Variants in NBAS observed in about 807,000 individuals in gnomAD.
NBAS encodes NAG/BC035112 fusion.
Under a neutral mutation model 302.5 loss-of-function variants are expected in NBAS, and 219 were observed. The ratio of observed to expected loss-of-function variants is 0.72; its 90% CI spans 0.65 to 0.81. The LOEUF (loss-of-function observed/expected upper bound fraction) is 0.81, where lower values mean the gene tolerates loss of function less well. Ranked by LOEUF, NBAS falls within the 30% of genes least tolerant of loss-of-function variation. NBAS has a pLI of 0.00. For missense variants in NBAS, 2,932 were observed against 2,841.6 expected, an observed-to-expected ratio of 1.03 and a Z score of -0.72; for synonymous variants, 1,118 against 1,021.6, an observed-to-expected ratio of 1.09 and a Z score of -1.80.
chr2:15,411,406 C>T (rs1409596695), intron 25 of NBAS, among the ~76,000 whole-genome samples: 2 of 152,150 alleles, frequency 1.3e-5, no homozygotes, highest in Admixed American at 6.5e-5. Flanking sequence ...CCTAAAAGTT[C>T]AACCACGCAG....
intron 25 of NBAS, among the ~76,000 whole-genome samples, chr2:15,414,442 A>G (rs533046805): frequency 2.4e-4 from 37 of 152,312 alleles, no homozygotes; most frequent in African/African-American, 8.7e-4. Flanking sequence ...ACTTGCTTGC[A>G]TACCCTCCAA....
intron 28 of NBAS, among the ~76,000 whole-genome samples, chr2:15,389,893 C>T (rs1157632928): frequency 6.6e-6 from 1 of 152,150 alleles, no homozygotes; most frequent in Admixed American, 6.5e-5. Flanking sequence ...TTCCAGGCCA[C>T]AGCACAAGAA....
intron 30 of NBAS, 84 bp downstream of exon 30, chr2:15,379,518 T>C: frequency 1.5e-6 from 2 of 1,336,972 alleles, no homozygotes; most frequent in Non-Finnish European, 2.1e-6. Flanking sequence ...TGATAATATA[T>C]TTGGTAAAGA....
At chr2:14,902,850 C>T in the NBAS span, among the ~76,000 whole-genome samples, 1 of 152,166 alleles carries the variant, frequency 6.6e-6, no homozygotes, top group South Asian at 2.1e-4. Context: ...ACAAAATCCA[C>T]ACAAATAGTT....
the NBAS span, among the ~76,000 whole-genome samples, chr2:14,988,308 C>T: frequency 6.6e-6 from 1 of 152,146 alleles, no homozygotes; most frequent in African/African-American, 2.4e-5. Context: ...AGCTGCTTAT[C>T]CATATAATTT....
At chr2:15,243,926 A>T (rs1667973327) in intron 44 of NBAS, among the ~76,000 whole-genome samples, 1 of 152,230 alleles carries the variant, frequency 6.6e-6, no homozygotes, top group Non-Finnish European at 1.5e-5. Context: ...CCTTTAGAAG[A>T]TTAAAATGAT....
At chr2:15,202,488 ATG>A (rs1162017828) in intron 48 of NBAS, among the ~76,000 whole-genome samples, 2 of 151,966 alleles carry the variant, frequency 1.3e-5, no homozygotes, top group African/African-American at 4.8e-5. Flanking sequence ...ATATAGTGCC[ATG>A]TGACCCCCTA....
the NBAS span, among the ~76,000 whole-genome samples, chr2:14,821,089 G>A: frequency 6.6e-6 from 1 of 152,074 alleles, no homozygotes; most frequent in Non-Finnish European, 1.5e-5. Context: ...ACCACGCAGG[G>A]CTAATTTGTT....
the NBAS span, among the ~76,000 whole-genome samples, chr2:15,134,716 T>C: frequency 2.6e-5 from 4 of 152,244 alleles, no homozygotes; most frequent in Admixed American, 1.3e-4. Flanking sequence ...TCTCCCTTGA[T>C]TTAGGCTACT....
chr2:15,369,076 G>T (rs191684168), intron 31 of NBAS, among the ~76,000 whole-genome samples: 1 of 152,214 alleles, frequency 6.6e-6, no homozygotes, highest in Admixed American at 6.5e-5. Context: ...TCCAGATTCA[G>T]TAACATATGA....
At chr2:14,963,945 CA>C in the NBAS span, among the ~76,000 whole-genome samples, 2 of 152,242 alleles carry the variant, frequency 1.3e-5, no homozygotes, top group East Asian at 3.8e-4. Flanking sequence ...GAGTCTTCCT[CA>C]GCAAAGCGGA....
chr2:14,997,566 G>A, the NBAS span, among the ~76,000 whole-genome samples: 1 of 151,606 alleles, frequency 6.6e-6, no homozygotes, highest in African/African-American at 2.4e-5. Context: ...ACTGTGAAAT[G>A]GTTATCACAA....
intron 1 of NBAS, among the ~76,000 whole-genome samples, chr2:15,559,523 G>A (rs1232893720): frequency 6.6e-6 from 1 of 152,194 alleles, no homozygotes; most frequent in East Asian, 1.9e-4. Context: ...AGTAAGTGTA[G>A]ACAGATTTTT....
chr2:14,984,428 T>C, the NBAS span, among the ~76,000 whole-genome samples: 2 of 152,150 alleles, frequency 1.3e-5, no homozygotes, highest in African/African-American at 4.8e-5. Context: ...AACAAATGAA[T>C]ACATTAAAGG....
chr2:15,240,788 A>C (rs1002888711), intron 44 of NBAS, among the ~76,000 whole-genome samples: 2 of 152,178 alleles, frequency 1.3e-5, no homozygotes, highest in African/African-American at 4.8e-5. Context: ...TCTGGCTCTA[A>C]GCCATTAAAA....
the NBAS span, among the ~76,000 whole-genome samples, chr2:14,847,180 G>C: frequency 6.6e-6 from 1 of 151,786 alleles, no homozygotes; most frequent in Non-Finnish European, 1.5e-5. Context: ...TCAGGAGATT[G>C]AGACCATCCT....
chr2:15,385,029 T>G (rs938032154), intron 28 of NBAS, among the ~76,000 whole-genome samples: 1 of 152,340 alleles, frequency 6.6e-6, no homozygotes, highest in Non-Finnish European at 1.5e-5. Flanking sequence ...AAATTTTTAA[T>G]AAGCACATGC....
At chr2:15,098,297 CAATATATAA>C in the NBAS span, among the ~76,000 whole-genome samples, 919 of 1,956 alleles carry the variant, frequency 0.47, 432 homozygotes, top group Middle Eastern at 1. Flanking sequence ...ATATTATATA[CAATATATAA>C]TATATTGTAT....
chr2:14,886,604 C>G, the NBAS span: 8 of 152,170 alleles, frequency 5.3e-5, no homozygotes, highest in Non-Finnish European at 1.0e-4. Context: ...AAGAAATGCA[C>G]CTGCAGATGT....
Sources: allele counts gnomAD v4.1 joint callset (sites outside exome capture counted in the v4.1 genomes callset), GRCh38; gene constraint gnomAD v4.1.1; transcripts MANE v1.5; gene names NCBI Gene and HGNC (gene_info 2026-07-23, HGNC 2026-07-21).